The following UNC5D variants were observed in gnomAD, a reference collection of about 807,000 sequenced individuals.
UNC5D encodes netrin receptor UNC5D.
In UNC5D, 39 loss-of-function variants were observed where a neutral mutation model predicts 105.4. The ratio of observed to expected loss-of-function variants is 0.37; its 90% CI spans 0.29 to 0.48. The LOEUF is 0.48. Among genes scored for constraint, UNC5D ranks in the 20% least tolerant of loss-of-function variants. The pLI is 0.98. For missense variants in UNC5D, 991 were observed against 1,202.4 expected (o/e 0.82, Z 2.60); for synonymous variants, 452 against 450.4 (o/e 1.00, Z -0.04).
At chr8:35,255,319 G>T (rs1403281037) in intron 1 of UNC5D, 1 of 152,136 alleles carries the variant, frequency 6.6e-6, no homozygotes, top group African/African-American at 2.4e-5. Context: ...TGGTCATCCT[G>T]AGTAGACGCA....
chr8:35,470,066 C>T (rs539259920), intron 1 of UNC5D, among the ~76,000 whole-genome samples: 4 of 152,298 alleles, frequency 2.6e-5, no homozygotes, highest in African/African-American at 9.6e-5. Flanking sequence ...TTTTGAATGA[C>T]TTTCCAGCTG....
chr8:35,404,792 G>A (rs774254817), intron 1 of UNC5D, among the ~76,000 whole-genome samples: 6 of 152,044 alleles, frequency 3.9e-5, no homozygotes, highest in South Asian at 2.1e-4. Context: ...ATTTCACCAC[G>A]TTGGCCAGGC....
chr8:35,508,074 C>T (rs1812454957), intron 1 of UNC5D, among the ~76,000 whole-genome samples: 1 of 152,136 alleles, frequency 6.6e-6, no homozygotes, highest in African/African-American at 2.4e-5. Context: ...AGTCATGGCA[C>T]TTAAATTTTC....
chr8:35,262,391 G>A (rs1010947634), intron 1 of UNC5D, among the ~76,000 whole-genome samples: 3 of 152,162 alleles, frequency 2.0e-5, no homozygotes, highest in Admixed American at 2.0e-4. Context: ...CCAATAGGCA[G>A]CCCTGTTTTC....
chr8:35,513,010 C>T (rs1812859578), intron 1 of UNC5D, among the ~76,000 whole-genome samples: 2 of 150,320 alleles, frequency 1.3e-5, no homozygotes, highest in Non-Finnish European at 3.0e-5. Context: ...TCTTCCTCTT[C>T]TCTGTAGCTT....
At chr8:35,294,005 A>C (rs1265901739) in intron 1 of UNC5D, among the ~76,000 whole-genome samples, 1 of 152,212 alleles carries the variant, frequency 6.6e-6, no homozygotes, top group Non-Finnish European at 1.5e-5. Flanking sequence ...TTTAAAAGAC[A>C]GTCTCTTACT....
At chr8:35,591,265 C>G (rs1819155307) in intron 3 of UNC5D, among the ~76,000 whole-genome samples, 1 of 150,706 alleles carries the variant, frequency 6.6e-6, no homozygotes, top group Admixed American at 6.6e-5. Flanking sequence ...AAAAAAAAAG[C>G]AAAAAATAAA....
intron 1 of UNC5D, among the ~76,000 whole-genome samples, chr8:35,365,776 T>C (rs193237297): frequency 6.6e-6 from 1 of 152,138 alleles, no homozygotes; most frequent in Non-Finnish European, 1.5e-5. Context: ...AAATAGTTTT[T>C]CCTTCTATAG....
At chr8:35,280,925 T>C (rs2128849368) in intron 1 of UNC5D, among the ~76,000 whole-genome samples, 1 of 152,298 alleles carries the variant, frequency 6.6e-6, no homozygotes, top group Middle Eastern at 3.4e-3. Flanking sequence ...CTAACAAAAA[T>C]AGAGTTCTAA....
rs1802413973 is a variant in UNC5D, at chr8:35,235,778, G to A, written c.-7G>A. ...GAAGAGCCGCCCTCCGGAACGCGGC[G>A]AGGAGCATGGGGAGAGCGGCGGCCA... On this transcript the variant is annotated 5_prime_UTR_variant, in exon 1 of 17. Transcript: ENST00000404895. 1 of 1,229,904 alleles carries A rather than the reference G, an allele frequency of 8.1e-7. No homozygotes were observed. 76.2% of individuals were successfully genotyped at this position (1,229,904 alleles called of 1,614,324 possible). A position where few individuals can be genotyped will look rare whatever the true frequency, so the allele number is the denominator to read the frequency against.
At chr8:35,546,014 C>T (rs556174768) in intron 1 of UNC5D, among the ~76,000 whole-genome samples, 1 of 152,152 alleles carries the variant, frequency 6.6e-6, no homozygotes, top group South Asian at 2.1e-4. Context: ...CCCACTTCAG[C>T]CTCCCAAGTA....
At chr8:35,343,335 C>T (rs201969310) in intron 1 of UNC5D, among the ~76,000 whole-genome samples, 2 of 151,984 alleles carry the variant, frequency 1.3e-5, no homozygotes, top group Non-Finnish European at 1.5e-5. Context: ...TTGAGAAAAA[C>T]GTTAGAGGTC....
intron 8 of UNC5D, among the ~76,000 whole-genome samples, chr8:35,718,543 T>C (rs569300602): frequency 1.8e-4 from 27 of 152,310 alleles, no homozygotes; most frequent in Admixed American, 1.2e-3. Flanking sequence ...ATTGGCAAGT[T>C]TCCCTGGGAA....
chr8:35,609,889 C>A (rs572067290), intron 4 of UNC5D, among the ~76,000 whole-genome samples: 1 of 152,256 alleles, frequency 6.6e-6, no homozygotes, highest in East Asian at 1.9e-4. Flanking sequence ...AGGTGGTTTC[C>A]TACTTGACAC....
rs562222901 is a variant in UNC5D, at chr8:35,349,365, G to T, written c.103+113478G>T. On this transcript the variant is annotated intron_variant, in intron 1 of 16. Transcript: ENST00000404895. ...AAACAATGATCAATTAGAAAATGTT[G>T]GTTCACTGAGTTATTTATATCTTCT... Among the ~76,000 whole-genome samples, 44 of 151,966 alleles carry T rather than the reference G, an allele frequency of 2.9e-4. 1 individual carries two copies. Among genetic ancestry groups the T allele is most frequent in the African/African-American group, 1.0e-3 (43 of 41,488 alleles).
chr8:35,734,335 C>CAAAA lies in UNC5D; in HGVS notation c.1766+3263_1766+3266dup, dbSNP rs10657691. On this transcript the variant is annotated intron_variant, in intron 11 of 16. Transcript: ENST00000404895. ...GGAGGAAACCAGCAGTAATCACTGTCAAAAAAAAAAAAAAAAAAAAAAAAA... is the reference window on the plus strand; with the variant it reads ...GGAGGAAACCAGCAGTAATCACTGTCAAAAAAAAAAAAAAAAAAAAAAAAAAAAA... Among the ~76,000 whole-genome samples the CAAAA allele has an allele frequency of 5.0e-3, 140 of 28,274 alleles. 14 individuals are homozygous for CAAAA. The highest frequency in any genetic ancestry group is 0.014 in the African/African-American group (131 of 9,482). The allele number at this position is 28,274 out of a possible 152,430, so 18.5% of individuals were successfully genotyped here.
rs78870875 is a variant in UNC5D, at chr8:35,610,123, GA to G, written c.570+14477del. Among the ~76,000 whole-genome samples, 1,312 of 143,522 alleles carry G rather than the reference GA, an allele frequency of 9.1e-3. 11 individuals carry two copies. The highest frequency in any genetic ancestry group is 0.033 in the South Asian group (151 of 4,546). The allele number at this position is 143,522 out of a possible 152,430, so 94.2% of individuals were successfully genotyped here. A position where few individuals can be genotyped will look rare whatever the true frequency, so the allele number is the denominator to read the frequency against. On this transcript the variant is annotated intron_variant, in intron 4 of 16. Transcript: ENST00000404895. ...TATCTTCTGTTATCTCAATTAATTT[GA>G]AAAAAAAAAAGTGCTATGAGATGCT...
chr8:35,364,674 A>G (rs1409700482), intron 1 of UNC5D, among the ~76,000 whole-genome samples: 2 of 152,182 alleles, frequency 1.3e-5, no homozygotes, highest in African/African-American at 2.4e-5. Flanking sequence ...ATATATACAC[A>G]CATTTGTATA....
At chr8:35,656,530 A>T (rs1010698337) in intron 4 of UNC5D, among the ~76,000 whole-genome samples, 2 of 152,236 alleles carry the variant, frequency 1.3e-5, no homozygotes. Flanking sequence ...CCTATTGAAC[A>T]TACTATCTAT....
Sources: allele counts gnomAD v4.1 joint callset (sites outside exome capture counted in the v4.1 genomes callset), GRCh38; gene constraint gnomAD v4.1.1; transcripts MANE v1.5; gene names NCBI Gene and HGNC (gene_info 2026-07-23, HGNC 2026-07-21).